The following SAAL1 variants were observed in gnomAD, a reference collection of about 807,000 sequenced individuals.
SAAL1 encodes protein SAAL1.
SAAL1 carries 42 observed loss-of-function variants against 59.8 expected under a neutral mutation model. The observed-to-expected ratio is 0.70, with a 90% CI of 0.55 to 0.91. The LOEUF (loss-of-function observed/expected upper bound fraction) is 0.91. SAAL1 is among the 40% of genes least tolerant of loss of function. SAAL1 has a pLI of 0.00. For synonymous variants in SAAL1, 191 were observed against 194.3 expected (o/e 0.98, Z 0.14); for missense variants, 542 against 561.1 (o/e 0.97, Z 0.34).
Position 18,086,031 on chromosome 11 carries a change from T to C in SAAL1, c.1042+835A>G, listed in dbSNP as rs114899614. Among the ~76,000 whole-genome samples, 1,409 of 152,352 alleles carry C rather than the reference T, an allele frequency of 9.2e-3. 14 individuals are homozygous for C. Among genetic ancestry groups the C allele is most frequent in the Middle Eastern group, 0.041 (12 of 294 alleles). ...TCATTTTATATTTCTAAATGAAATG[T>C]TGGCTAAAAAGCAGAATTAAATATA... On this transcript the variant is annotated intron_variant, in intron 9 of 11. Transcript: ENST00000524803.
intron 4 of SAAL1, among the ~76,000 whole-genome samples, chr11:18,091,257 A>G (rs921476852): frequency 2.3e-5 from 3 of 129,198 alleles, no homozygotes; most frequent in Non-Finnish European, 5.1e-5. Flanking sequence ...TGCCCAACTA[A>G]AGTGGTTCAA....
At chr11:18,096,497 C>A (rs1192127736) in intron 3 of SAAL1, among the ~76,000 whole-genome samples, 1 of 151,964 alleles carries the variant, frequency 6.6e-6, no homozygotes, top group Non-Finnish European at 1.5e-5. Flanking sequence ...GTGGGAGGGT[C>A]CCTTGAGCCC....
chr11:18,083,041 T>C (rs185809114), intron 10 of SAAL1, among the ~76,000 whole-genome samples: 64 of 152,344 alleles, frequency 4.2e-4, no homozygotes, highest in Admixed American at 3.9e-3. Context: ...ATATTCATAA[T>C]ACATTTCTTT....
chr11:18,092,430 C>T (rs1295310757), intron 3 of SAAL1, 106 bp from the exon 4 acceptor site: 16 of 732,780 alleles, frequency 2.2e-5, no homozygotes, highest in Admixed American at 1.0e-4. Context: ...TGGGGCAAGG[C>T]GGAGGGGAGG....
At chr11:18,095,608 C>A (rs558971941) in intron 3 of SAAL1, among the ~76,000 whole-genome samples, 2 of 152,290 alleles carry the variant, frequency 1.3e-5, no homozygotes, top group Admixed American at 6.5e-5. Flanking sequence ...AGATTTAGTT[C>A]TTTGAAAGTA....
At chr11:18,081,297 T>C (rs905372292) in intron 11 of SAAL1, 114 bp downstream of exon 11, 7 of 711,492 alleles carry the variant, frequency 9.8e-6, no homozygotes, top group Non-Finnish European at 1.2e-5. Flanking sequence ...CATTAAGTCA[T>C]ATAAATTGTA....
At chr11:18,083,763 G>A in intron 9 of SAAL1, 32 bp from the exon 10 acceptor site, 2 of 1,474,096 alleles carry the variant, frequency 1.4e-6, no homozygotes, top group South Asian at 1.3e-5. Context: ...CATGGAATTG[G>A]CCAGTTAAGT....
chr11:18,098,412 G>A (rs932761667), intron 2 of SAAL1, among the ~76,000 whole-genome samples: 1 of 152,198 alleles, frequency 6.6e-6, no homozygotes, highest in East Asian at 1.9e-4. Context: ...ACCTAGGAAT[G>A]TAAGACACAA....
intron 9 of SAAL1, 131 bp from the exon 10 acceptor site, chr11:18,083,862 GCC>G (rs1848435696): frequency 8.3e-6 from 4 of 482,928 alleles, no homozygotes; most frequent in Non-Finnish European, 1.5e-5. Flanking sequence ...CAAGATGTCA[GCC>G]CATAAGAGGC....
chr11:18,105,831 G>A, intron 1 of SAAL1, 76 bp downstream of exon 1: 2 of 1,459,576 alleles, frequency 1.4e-6, no homozygotes, highest in Non-Finnish European at 1.8e-6. Flanking sequence ...TCCCGGGGCA[G>A]GAGGATTCGC....
chr11:18,102,549 AT>A (rs754798275), intron 2 of SAAL1, among the ~76,000 whole-genome samples: 3 of 152,012 alleles, frequency 2.0e-5, no homozygotes, highest in Non-Finnish European at 4.4e-5. Flanking sequence ...TTAAGTCTGT[AT>A]TTCCGGAAAA....
chr11:18,082,703 C>T (rs948923061), intron 10 of SAAL1, among the ~76,000 whole-genome samples: 1 of 152,194 alleles, frequency 6.6e-6, no homozygotes, highest in Non-Finnish European at 1.5e-5. Flanking sequence ...ACAGTCTGGG[C>T]TCACTGCAGC....
At chr11:18,089,221 G>T in intron 7 of SAAL1, 109 bp downstream of exon 7, 7 of 932,214 alleles carry the variant, frequency 7.5e-6, no homozygotes, top group Non-Finnish European at 9.4e-6. Flanking sequence ...AACAAGGAGT[G>T]ACTATGTACT....
At chr11:18,102,313 A>C (rs545204713) in intron 2 of SAAL1, among the ~76,000 whole-genome samples, 72 of 152,144 alleles carry the variant, frequency 4.7e-4, no homozygotes, top group African/African-American at 1.7e-3. Flanking sequence ...ATGGCAGGAG[A>C]ATCACTTGAG....
Position 18,103,257 on chromosome 11 carries a change from T to C in SAAL1, c.225A>G (p.Arg75=). The change falls in exon 2 of 12, where the codon AGA becomes AGG. Residue 75 remains arginine (R), a synonymous_variant. Coordinates refer to ENST00000524803, the MANE Select transcript of SAAL1 (RefSeq NM_138421.3). ...LDEEMENEIC[R]VWDMSMDEDV... ...CCTCATCCATTGACATATCCCATACTCTGCAAATTTCATTCTCCATTTCTT... is the reference window on the plus strand; with the variant it reads ...CCTCATCCATTGACATATCCCATACCCTGCAAATTTCATTCTCCATTTCTT... 1 of 1,613,122 alleles carries C rather than the reference T, an allele frequency of 6.2e-7. No homozygotes were observed. Among genetic ancestry groups the C allele is most frequent in the Non-Finnish European group, 8.5e-7 (1 of 1,179,138 alleles).
Position 18,081,434 on chromosome 11 carries a change from G to A in SAAL1, c.1309C>T (p.Leu437Phe), listed in dbSNP as rs771121060. Residue 437 changes from leucine to phenylalanine, a missense_variant, in exon 11 of 12, where the codon CTT becomes TTT. Transcript: ENST00000524803. ...KQKCSSAFQN[L>F]LPFYSPVVED... The stretch of plus-strand genomic sequence containing the variant: ...ACCACAGGGCTATAGAAAGGAAGAA[G>A]GTTTTGAAATGCAGAGGAACACTTC... 3.1e-6 allele frequency: 5 copies of A among 1,613,884 alleles called. No homozygotes were observed. The South Asian group carries it at 3.3e-5, about 11-fold the overall frequency.
At chr11:18,091,655 A>G (rs529955493) in intron 4 of SAAL1, among the ~76,000 whole-genome samples, 1 of 152,228 alleles carries the variant, frequency 6.6e-6, no homozygotes, top group South Asian at 2.1e-4. Flanking sequence ...AAACTAATAC[A>G]CTCACAAAAT....
intron 6 of SAAL1, among the ~76,000 whole-genome samples, chr11:18,089,921 A>G (rs1450894427): frequency 6.6e-6 from 1 of 152,134 alleles, no homozygotes; most frequent in Non-Finnish European, 1.5e-5. Flanking sequence ...ATGGCGGTGC[A>G]TGACTATAGT....
At chr11:18,093,275 T>G (rs1021531363) in intron 3 of SAAL1, among the ~76,000 whole-genome samples, 3 of 152,122 alleles carry the variant, frequency 2.0e-5, no homozygotes, top group Non-Finnish European at 4.4e-5. Context: ...AGTGCTTTCT[T>G]TACATGAAAA....
Sources: gnomAD v4.1 joint callset for allele counts (sites outside exome capture counted in the v4.1 genomes callset) on GRCh38, gnomAD v4.1.1 for gene constraint, MANE v1.5 for transcripts, NCBI Gene and HGNC (gene_info 2026-07-23, HGNC 2026-07-21) for gene names.